RGS7: variants seen among roughly 807,000 people sequenced by gnomAD.
The protein encoded by RGS7 is regulator of G-protein signaling 7.
A neutral mutation model predicts 81.1 loss-of-function variants in RGS7; 27 were observed. The observed-to-expected ratio is 0.33, with a 90% CI of 0.25 to 0.46. RGS7 has a LOEUF of 0.46. Ranked by LOEUF, RGS7 falls within the 20% of genes least tolerant of loss-of-function variation. RGS7 has a pLI of 1.00. For missense variants in RGS7, 396 were observed against 607.4 expected, an observed-to-expected ratio of 0.65 and a Z score of 3.66; for synonymous variants, 208 against 207.7, an observed-to-expected ratio of 1.00 and a Z score of -0.01.
intron 3 of RGS7, among the ~76,000 whole-genome samples, chr1:240,985,947 T>G (rs1289981658): frequency 2.3e-5 from 3 of 131,180 alleles, no homozygotes; most frequent in Non-Finnish European, 5.0e-5. Context: ...TCCAGCTTTA[T>G]ATTAAATAAA....
intron 2 of RGS7, among the ~76,000 whole-genome samples, chr1:241,290,720 C>T (rs188189881): frequency 1.7e-4 from 26 of 152,260 alleles, no homozygotes; most frequent in Admixed American, 7.8e-4. Context: ...TTAGTTTTGT[C>T]ACTCTGTAGC....
rs569208594 is a variant in RGS7 at position 241,226,711 on chromosome 1, A to G, written c.79-127949T>C. Among the ~76,000 whole-genome samples, 11 of 152,348 alleles carry G rather than the reference A, an allele frequency of 7.2e-5. No individual in the cohort carries two copies. In the East Asian group the frequency reaches 2.1e-3, roughly 29 times the overall value. ...CTACTTCATTCCATGAGCAGGTGAC[A>G]CCGAGCTGAACATTGATGCATAAGC... On this transcript the variant is annotated intron_variant, in intron 2 of 18. Transcript: ENST00000440928.
chr1:241,230,963 C>G lies in RGS7; in HGVS notation c.78+124736G>C, dbSNP rs114980168. Among the ~76,000 whole-genome samples the G allele has an allele frequency of 2.2e-3, 340 of 152,268 alleles. 3 individuals carry two copies. The highest frequency in any genetic ancestry group is 7.8e-3 in the African/African-American group (326 of 41,574). ...ATAAATTTATATTTCCTCATCTTTT[C>G]AAGTTTTACCTCTGATCATGATAAC... On this transcript the variant is annotated intron_variant, in intron 2 of 18. Coordinates refer to ENST00000440928, the MANE Select transcript of RGS7 (RefSeq NM_001364886.1).
At chr1:241,296,996 A>G (rs915569250) in intron 2 of RGS7, among the ~76,000 whole-genome samples, 4 of 152,196 alleles carry the variant, frequency 2.6e-5, no homozygotes, top group African/African-American at 7.2e-5. Context: ...CCTTAATACT[A>G]AAGAGGAAAC....
At chr1:241,049,542 C>T (rs1229855988) in intron 3 of RGS7, among the ~76,000 whole-genome samples, 1 of 152,180 alleles carries the variant, frequency 6.6e-6, no homozygotes, top group Admixed American at 6.5e-5. Flanking sequence ...GGAGAAAGGG[C>T]TTTCCCCTAC....
chr1:241,233,053 C>T (rs963262739), intron 2 of RGS7, among the ~76,000 whole-genome samples: 15 of 152,110 alleles, frequency 9.9e-5, no homozygotes, highest in Admixed American at 7.9e-4. Context: ...TAGTCCCCAC[C>T]TGCTACTCCA....
Position 240,958,070 on chromosome 1 carries a change from A to C in RGS7, c.227-21364T>G, listed in dbSNP as rs184236716. 2.2e-3 allele frequency among the ~76,000 whole-genome samples: 331 copies of C among 152,290 alleles called. 3 individuals are homozygous for C. Among genetic ancestry groups the C allele is most frequent in the African/African-American group, 7.8e-3 (323 of 41,580 alleles). On this transcript the variant is annotated intron_variant, in intron 4 of 18. Coordinates refer to ENST00000440928, the MANE Select transcript of RGS7 (RefSeq NM_001364886.1). ...GCCCCTAGGCATGTGGTGGCTGGGC[A>C]CCCCTGATAAAGTGCAGTTCATCTG... is the stretch of plus-strand genomic sequence containing the variant.
At position 240,903,429 on chromosome 1, in the gene RGS7, C is replaced by G. The variant is rs879420189; in HGVS notation, c.385+27288G>C. Reference sequence around the variant, plus strand: ...TTAATGGCTTCCATGTTGGACAGCACAAATCTCCTTCGTCACTTAAGGGTT... The same window carrying G: ...TTAATGGCTTCCATGTTGGACAGCAGAAATCTCCTTCGTCACTTAAGGGTT... On this transcript the variant is annotated intron_variant, in intron 6 of 18. Coordinates refer to ENST00000440928, the MANE Select transcript of RGS7 (RefSeq NM_001364886.1). Among the ~76,000 whole-genome samples, 6 of 152,088 alleles carry G rather than the reference C, an allele frequency of 3.9e-5. No individual in the cohort carries two copies. The South Asian group carries it at 1.2e-3, about 32-fold the overall frequency.
chr1:241,217,711 C>A (rs929524089), intron 2 of RGS7, among the ~76,000 whole-genome samples: 2 of 152,196 alleles, frequency 1.3e-5, no homozygotes, highest in African/African-American at 4.8e-5. Context: ...ACACGGTTGG[C>A]ACCAATTACT....
At chr1:241,344,112 G>C (rs1055542476) in intron 2 of RGS7, among the ~76,000 whole-genome samples, 1 of 152,174 alleles carries the variant, frequency 6.6e-6, no homozygotes, top group African/African-American at 2.4e-5. Flanking sequence ...CTGGGGCATA[G>C]AGGAAGTGGG....
At chr1:241,129,741 T>A (rs1234857262) in intron 2 of RGS7, among the ~76,000 whole-genome samples, 2 of 151,970 alleles carry the variant, frequency 1.3e-5, no homozygotes, top group Non-Finnish European at 2.9e-5. Context: ...TCAGTAGGTA[T>A]AGGGTGGGGC....
Position 240,814,713 on chromosome 1 carries a change from C to T in RGS7, c.845+3G>A, listed in dbSNP as rs1276055684. 4 of 1,565,078 alleles carry T rather than the reference C, an allele frequency of 2.6e-6. No individual in the cohort carries two copies. In the South Asian group the frequency reaches 4.4e-5, roughly 17 times the overall value. On this transcript the variant is annotated splice_donor_region_variant and intron_variant, in intron 12 of 18. Coordinates refer to ENST00000440928, the MANE Select transcript of RGS7 (RefSeq NM_001364886.1). ...ATTTATACAGACACTTTGAAATACT[C>T]ACCTGTCAGCGACTTTTGACATTTT... is the stretch of plus-strand genomic sequence containing the variant.
At position 241,051,288 on chromosome 1, in the gene RGS7, A is replaced by G. The variant is rs77776940; in HGVS notation, c.175+47378T>C. Reference sequence around the variant, plus strand: ...AAACTGGCATATTCACAGGTTCTGGAGATAAGGAAACAGACATTTTGGAGG... The same window carrying G: ...AAACTGGCATATTCACAGGTTCTGGGGATAAGGAAACAGACATTTTGGAGG... On this transcript the variant is annotated intron_variant, in intron 3 of 18. Coordinates refer to ENST00000440928, the MANE Select transcript of RGS7 (RefSeq NM_001364886.1). Among the ~76,000 whole-genome samples, 1,478 of 152,248 alleles carry G rather than the reference A, an allele frequency of 9.7e-3. 32 individuals carry two copies. Among genetic ancestry groups the G allele is most frequent in the African/African-American group, 0.032 (1,343 of 41,546 alleles).
chr1:240,882,916 G>A (rs976907067), intron 6 of RGS7, among the ~76,000 whole-genome samples: 7 of 151,984 alleles, frequency 4.6e-5, no homozygotes, highest in Admixed American at 2.6e-4. Context: ...CAATGTCACC[G>A]GTGTCTGATG....
intron 2 of RGS7, among the ~76,000 whole-genome samples, chr1:241,318,919 A>G (rs950096806): frequency 1.3e-5 from 2 of 152,350 alleles, no homozygotes; most frequent in Non-Finnish European, 2.9e-5. Flanking sequence ...AAAATGCACG[A>G]CACTTAATTT....
chr1:241,018,907 T>C (rs2059405972), intron 3 of RGS7, among the ~76,000 whole-genome samples: 1 of 152,182 alleles, frequency 6.6e-6, no homozygotes, highest in Non-Finnish European at 1.5e-5. Flanking sequence ...CTTCACAAGC[T>C]GGGATAAGGT....
intron 2 of RGS7, among the ~76,000 whole-genome samples, chr1:241,316,400 C>T (rs997680257): frequency 3.9e-5 from 6 of 152,194 alleles, no homozygotes; most frequent in Admixed American, 2.0e-4. Flanking sequence ...TCTAATCATG[C>T]CTTGGTCTTT....
intron 3 of RGS7, among the ~76,000 whole-genome samples, chr1:241,027,725 C>T (rs1012223470): frequency 2.0e-5 from 3 of 151,942 alleles, no homozygotes; most frequent in Non-Finnish European, 2.9e-5. Flanking sequence ...GAGGAGGAGC[C>T]GGCAGTTGAG....
At chr1:241,266,444 C>T (rs1441459101) in intron 2 of RGS7, among the ~76,000 whole-genome samples, 1 of 152,176 alleles carries the variant, frequency 6.6e-6, no homozygotes, top group Non-Finnish European at 1.5e-5. Context: ...CACACTTATT[C>T]CATTCTTTAA....
Sources: allele counts gnomAD v4.1 joint callset (sites outside exome capture counted in the v4.1 genomes callset), GRCh38; gene constraint gnomAD v4.1.1; transcripts MANE v1.5; gene names NCBI Gene and HGNC (gene_info 2026-07-23, HGNC 2026-07-21).